Variants in SEMA5A observed in about 807,000 individuals in gnomAD.
SEMA5A encodes the protein semaphorin 5A.
A neutral mutation model predicts 135.5 loss-of-function variants in SEMA5A; 55 were observed. The observed-to-expected ratio is 0.41, with a 90% CI of 0.33 to 0.51. The LOEUF (loss-of-function observed/expected upper bound fraction) is 0.51, where lower values mean the gene tolerates loss of function less well. Among genes scored for constraint, SEMA5A ranks in the 20% least tolerant of loss-of-function variants. SEMA5A has a pLI of 0.37. For missense variants in SEMA5A, 1,290 were observed against 1,419.9 expected (o/e 0.91, Z 1.47); for synonymous variants, 580 against 546.5 (o/e 1.06, Z -0.85).
chr5:9,136,657 G>T, intron 12 of SEMA5A, 36 bp from the exon 13 acceptor site: 1 of 1,548,372 alleles, frequency 6.5e-7, no homozygotes, highest in Non-Finnish European at 8.9e-7. Flanking sequence ...CAGAAAGGTC[G>T]CTTTACCCAT....
At chr5:9,443,517 T>C (rs1227528487) in intron 1 of SEMA5A, among the ~76,000 whole-genome samples, 3 of 152,212 alleles carry the variant, frequency 2.0e-5, no homozygotes, top group Admixed American at 2.0e-4. Context: ...TTAAAATAAA[T>C]TTTATGGAAA....
chr5:9,353,080 A>AAGG (rs1561176487), intron 3 of SEMA5A, among the ~76,000 whole-genome samples: 4 of 50,598 alleles, frequency 7.9e-5, no homozygotes, highest in African/African-American at 2.9e-4. Flanking sequence ...AAAGGAAAGG[A>AAGG]AAGGAAAGGA....
chr5:9,152,771 CAAGAA>C (rs1742699195), intron 12 of SEMA5A, among the ~76,000 whole-genome samples: 1 of 152,166 alleles, frequency 6.6e-6, no homozygotes, highest in Non-Finnish European at 1.5e-5. Flanking sequence ...CGACCTGGGT[CAAGAA>C]ACAGCAACAA....
At chr5:9,405,930 G>T (rs1397192322) in intron 2 of SEMA5A, among the ~76,000 whole-genome samples, 1 of 152,104 alleles carries the variant, frequency 6.6e-6, no homozygotes, top group Non-Finnish European at 1.5e-5. Context: ...GCAAAGAAAA[G>T]GACTCACAGG....
intron 11 of SEMA5A, among the ~76,000 whole-genome samples, chr5:9,168,201 G>C (rs1027693979): frequency 3.3e-5 from 5 of 152,164 alleles, no homozygotes; most frequent in African/African-American, 1.2e-4. Context: ...TTTATGACTA[G>C]AGAAGCTACT....
chr5:9,368,476 T>A (rs1226070473), intron 3 of SEMA5A, among the ~76,000 whole-genome samples: 2 of 152,220 alleles, frequency 1.3e-5, no homozygotes, highest in African/African-American at 4.8e-5. Flanking sequence ...AACAAATGTA[T>A]AAAACCTGTC....
intron 15 of SEMA5A, 88 bp downstream of exon 15, chr5:9,118,910 T>C: frequency 6.6e-7 from 1 of 1,511,508 alleles, no homozygotes; most frequent in Non-Finnish European, 8.9e-7. Flanking sequence ...CTTAGGCAGA[T>C]CCAAAACTAA....
intron 11 of SEMA5A, among the ~76,000 whole-genome samples, chr5:9,176,319 C>T (rs10044766): frequency 0.098 from 14,944 of 152,108 alleles, 1,211 homozygotes; most frequent in African/African-American, 0.2. Flanking sequence ...CAGGACAAAA[C>T]TAGGGCCCTC....
chr5:9,081,005 A>G (rs945674882), intron 16 of SEMA5A, among the ~76,000 whole-genome samples: 1 of 152,146 alleles, frequency 6.6e-6, no homozygotes, highest in Non-Finnish European at 1.5e-5. Context: ...ACCTCCTCGT[A>G]CCTTACTAGA....
chr5:9,288,760 G>T (rs1049386676), intron 5 of SEMA5A, among the ~76,000 whole-genome samples: 1 of 152,094 alleles, frequency 6.6e-6, no homozygotes, highest in Admixed American at 6.5e-5. Context: ...ATAATGAAGT[G>T]GCTGGAACCA....
chr5:9,255,104 T>G (rs1309228715), intron 5 of SEMA5A, among the ~76,000 whole-genome samples: 5 of 152,208 alleles, frequency 3.3e-5, no homozygotes, highest in Non-Finnish European at 7.4e-5. Flanking sequence ...TATGAAAAAC[T>G]ATTCTACTGT....
At chr5:9,195,150 G>A (rs1017024497) in intron 10 of SEMA5A, among the ~76,000 whole-genome samples, 1 of 152,192 alleles carries the variant, frequency 6.6e-6, no homozygotes. Flanking sequence ...CATTTGATAT[G>A]TAGAAGGCAC....
At chr5:9,234,561 C>T (rs529972441) in intron 6 of SEMA5A, among the ~76,000 whole-genome samples, 59 of 152,252 alleles carry the variant, frequency 3.9e-4, no homozygotes, top group African/African-American at 1.3e-3. Flanking sequence ...AGCTGTACTT[C>T]GAAGCAACAG....
intron 5 of SEMA5A, among the ~76,000 whole-genome samples, chr5:9,252,740 A>G (rs568937662): frequency 1.3e-5 from 2 of 152,202 alleles, no homozygotes; most frequent in African/African-American, 4.8e-5. Context: ...CTAAGATTCC[A>G]TATTCTTCCT....
At chr5:9,296,778 T>C (rs1160831181) in intron 5 of SEMA5A, among the ~76,000 whole-genome samples, 1 of 152,008 alleles carries the variant, frequency 6.6e-6, no homozygotes, top group Non-Finnish European at 1.5e-5. Context: ...TCTTCTGTAG[T>C]ATTTTACAAT....
intron 1 of SEMA5A, among the ~76,000 whole-genome samples, chr5:9,529,275 A>G (rs555571833): frequency 3.9e-5 from 6 of 152,338 alleles, no homozygotes; most frequent in African/African-American, 1.4e-4. Flanking sequence ...TCCGCCCTGC[A>G]TGGCTGAAGC....
At position 9,545,234 on chromosome 5, in the gene SEMA5A, G is replaced by A. The variant is rs934832767; in HGVS notation, c.-175+350C>T. On this transcript the variant is annotated intron_variant, in intron 1 of 22. Coordinates refer to ENST00000382496, the MANE Select transcript of SEMA5A (RefSeq NM_003966.3). The surrounding 1 kb of genome is among the most constrained non-coding windows in gnomAD (Gnocchi z 4.5). ...GTGCGAGCCTGGAGGCGCGCCGGGG[G>A]CGGGCACAGACCAGTGTGCGCACCT... 2.0e-5 allele frequency among the ~76,000 whole-genome samples: 3 copies of A among 152,138 alleles called. No individual in the cohort carries two copies. Among genetic ancestry groups the A allele is most frequent in the Non-Finnish European group, 2.9e-5 (2 of 68,020 alleles).
chr5:9,175,909 C>T (rs1001677255), intron 11 of SEMA5A, among the ~76,000 whole-genome samples: 2 of 152,180 alleles, frequency 1.3e-5, no homozygotes, highest in African/African-American at 4.8e-5. Flanking sequence ...AGACAGAGGG[C>T]ATCTAATAGA....
In SEMA5A at chr5:9,482,440, C is replaced by A. The variant is rs537484623; in HGVS notation, c.-174-44588G>T. On this transcript the variant is annotated intron_variant, in intron 1 of 22. Coordinates refer to ENST00000382496, the MANE Select transcript of SEMA5A (RefSeq NM_003966.3). Reference sequence around the variant, plus strand: ...AACACAAGACATTACCTAGAGTGAGCATACCTAAAGGCCAAGATTCTGGGT... The same window carrying A: ...AACACAAGACATTACCTAGAGTGAGAATACCTAAAGGCCAAGATTCTGGGT... Among the ~76,000 whole-genome samples the A allele has an allele frequency of 6.6e-5, 10 of 152,252 alleles. 1 individual carries two copies. In the South Asian group the frequency reaches 2.1e-3, roughly 32 times the overall value.
Sources: gnomAD v4.1 joint callset for allele counts (sites outside exome capture counted in the v4.1 genomes callset) on GRCh38, gnomAD v4.1.1 for gene constraint, Gnocchi (gnomAD v3.1) non-coding constraint, MANE v1.5 for transcripts, NCBI Gene and HGNC (gene_info 2026-07-23, HGNC 2026-07-21) for gene names.